ZNF883: variants seen among roughly 807,000 people sequenced by gnomAD.
ZNF883 encodes the protein zinc finger protein 883.
chr9:112,997,733 G>A, exon 1 of ZNF883: 1 of 1,613,838 alleles, frequency 6.2e-7, no homozygotes, highest in Non-Finnish European at 8.5e-7. Context: ...TTTTTCCTCA[G>A]AATGAATTCC....
intron 2 of ZNF883, among the ~76,000 whole-genome samples, chr9:113,007,812 C>T (rs898792137): frequency 1.4e-4 from 21 of 152,158 alleles, no homozygotes; most frequent in Non-Finnish European, 2.2e-4. Context: ...ACTGACTTGC[C>T]TAAGGTCACC....
At chr9:112,997,195 A>G (rs762656307) in exon 1 of ZNF883, 1 of 1,613,862 alleles carries the variant, frequency 6.2e-7, no homozygotes, top group African/African-American at 1.3e-5. Context: ...AAAAGACATC[A>G]CCACACTTAG....
chr9:112,998,496 A>G (rs1828388987), upstream of ZNF883: 1 of 334,074 alleles, frequency 3.0e-6, no homozygotes, highest in Non-Finnish European at 5.4e-6. Flanking sequence ...TGCCTTATCC[A>G]CAGTTCCACT....
upstream of ZNF883, among the ~76,000 whole-genome samples, chr9:113,001,397 G>C (rs778113919): frequency 6.6e-6 from 1 of 152,078 alleles, no homozygotes; most frequent in Non-Finnish European, 1.5e-5. Context: ...CTGATGTACA[G>C]AATGGAAAGA....
upstream of ZNF883, chr9:113,002,022 G>A (rs1338138653): frequency 6.6e-6 from 1 of 152,122 alleles, no homozygotes. Flanking sequence ...AACAGTTTTT[G>A]AAGATCACAT....
At chr9:112,998,390 AAATT>A (rs60759016), upstream of ZNF883, 1,246 of 692,594 alleles carry the variant, frequency 1.8e-3, 5 homozygotes, top group Middle Eastern at 0.018. Flanking sequence ...TATATCTAAT[AAATT>A]ATTTTTCATT....
At chr9:112,997,989 G>A (rs1337541109) in exon 1 of ZNF883, 1 of 1,613,678 alleles carries the variant, frequency 6.2e-7, no homozygotes, top group Admixed American at 1.7e-5. Flanking sequence ...TCCCCAGTAT[G>A]GACTCTTTGA....
chr9:112,998,006 A>G (rs1828382193), exon 1 of ZNF883: 9 of 1,613,626 alleles, frequency 5.6e-6, no homozygotes, highest in Non-Finnish European at 7.6e-6. Context: ...TTGATGCTGA[A>G]TAAGATTAGT....
intron 1 of ZNF883, among the ~76,000 whole-genome samples, chr9:112,990,542 C>T (rs1230480142): frequency 2.0e-5 from 3 of 152,058 alleles, no homozygotes; most frequent in Non-Finnish European, 4.4e-5. Flanking sequence ...ATTTTTGCAT[C>T]GATGTTCATC....
intron 1 of ZNF883, among the ~76,000 whole-genome samples, chr9:112,991,398 G>A (rs1486173752): frequency 6.6e-6 from 1 of 152,160 alleles, no homozygotes; most frequent in East Asian, 1.9e-4. Flanking sequence ...GTGGTTTTGA[G>A]TGAGTTTCTT....
chr9:112,992,544 T>A (rs7026503), downstream of ZNF883, among the ~76,000 whole-genome samples: 3 of 152,068 alleles, frequency 2.0e-5, no homozygotes, highest in African/African-American at 7.2e-5. Context: ...GAGAATCTGA[T>A]GATTATGTGT....
At chr9:113,000,219 ATGT>A (rs532424941), upstream of ZNF883, among the ~76,000 whole-genome samples, 5 of 152,332 alleles carry the variant, frequency 3.3e-5, no homozygotes, top group South Asian at 1.0e-3. Context: ...AGTAAAATAA[ATGT>A]TGTGAATAAA....
intron 1 of ZNF883, 35 bp from the exon 2 acceptor site, chr9:113,011,262 T>C (rs548452685): frequency 6.6e-6 from 1 of 152,312 alleles, no homozygotes; most frequent in East Asian, 1.9e-4. Context: ...AAATCAGGAC[T>C]GTCTTTATGA....
At chr9:113,012,015 T>TC (rs1828544491) in intron 1 of ZNF883, 135 bp downstream of exon 1, 2 of 152,376 alleles carry the variant, frequency 1.3e-5, no homozygotes, top group East Asian at 3.9e-4. Context: ...CCTGACCTAA[T>TC]CGGCTTTCCT....
chr9:112,997,309 T>C (rs1214815901), exon 1 of ZNF883: 2 of 1,614,184 alleles, frequency 1.2e-6, no homozygotes, highest in South Asian at 1.1e-5. Flanking sequence ...AGGGTTTCTC[T>C]CCTGTATGCG....
At chr9:113,008,814 G>A (rs1392273202) in intron 2 of ZNF883, among the ~76,000 whole-genome samples, 1 of 151,932 alleles carries the variant, frequency 6.6e-6, no homozygotes, top group African/African-American at 2.4e-5. Flanking sequence ...TAACAGGAGG[G>A]AAGACAGGTT....
chr9:112,995,156 A>G (rs998364358), downstream of ZNF883, among the ~76,000 whole-genome samples: 51 of 152,226 alleles, frequency 3.4e-4, no homozygotes, highest in Non-Finnish European at 2.9e-5. Context: ...GCAGATTTCA[A>G]TGTGGCTGTA....
upstream of ZNF883, among the ~76,000 whole-genome samples, chr9:113,001,591 A>G (rs371636695): frequency 1.3e-5 from 2 of 152,140 alleles, no homozygotes; most frequent in African/African-American, 4.8e-5. Flanking sequence ...TAGTACCACT[A>G]TTGTTACTAG....
exon 1 of ZNF883, chr9:112,997,223 T>C: frequency 6.2e-7 from 1 of 1,614,008 alleles, no homozygotes; most frequent in Non-Finnish European, 8.5e-7. Flanking sequence ...ATAGGGTCTC[T>C]CCCTTGTATG....
Sources: gnomAD v4.1 joint callset for allele counts (sites outside exome capture counted in the v4.1 genomes callset) on GRCh38, gnomAD v4.1.1 for gene constraint, MANE v1.5 for transcripts, NCBI Gene and HGNC (gene_info 2026-07-23, HGNC 2026-07-21) for gene names.